The following SLC24A2 variants were observed in gnomAD, a reference collection of about 807,000 sequenced individuals.
SLC24A2 encodes the protein sodium/potassium/calcium exchanger 2.
In SLC24A2, 36 loss-of-function variants were observed where a neutral mutation model predicts 62.0. That is an observed-to-expected ratio of 0.58 (90% CI 0.44 to 0.77). SLC24A2 has a LOEUF of 0.77. Ranked by LOEUF, SLC24A2 falls within the 30% of genes least tolerant of loss-of-function variation. The pLI is 0.00. For synonymous variants in SLC24A2, 358 were observed against 294.0 expected (o/e 1.22, Z -2.23); for missense variants, 846 against 817.9 (o/e 1.03, Z -0.42).
At chr9:20,105,611 TGAAATGAAGGCA>T in the SLC24A2 span, among the ~76,000 whole-genome samples, 2 of 151,808 alleles carry the variant, frequency 1.3e-5, no homozygotes, top group Admixed American at 1.3e-4. Context: ...GGGTACATAA[TGAAATGAAGGCA>T]GAAATAAAGA....
chr9:19,863,832 T>C, the SLC24A2 span, among the ~76,000 whole-genome samples: 2 of 150,784 alleles, frequency 1.3e-5, no homozygotes, highest in African/African-American at 2.4e-5. Context: ...ATAAAAGAAA[T>C]AATAAAGCTC....
At chr9:19,932,786 A>G in the SLC24A2 span, among the ~76,000 whole-genome samples, 1 of 152,174 alleles carries the variant, frequency 6.6e-6, no homozygotes, top group South Asian at 2.1e-4. Flanking sequence ...CTTTCCTATC[A>G]GTTATAAGGC....
chr9:20,025,765 G>A, the SLC24A2 span, among the ~76,000 whole-genome samples: 1 of 152,166 alleles, frequency 6.6e-6, no homozygotes, highest in African/African-American at 2.4e-5. Flanking sequence ...GTATGGAAAA[G>A]TGGAAATGAC....
At chr9:20,118,383 C>G in the SLC24A2 span, among the ~76,000 whole-genome samples, 91 of 151,992 alleles carry the variant, frequency 6.0e-4, 1 homozygote, top group Non-Finnish European at 1.2e-3. Flanking sequence ...GAAATTCTAC[C>G]AAGAAACTAG....
the SLC24A2 span, among the ~76,000 whole-genome samples, chr9:19,812,005 C>G: frequency 6.6e-6 from 1 of 151,936 alleles, no homozygotes; most frequent in Non-Finnish European, 1.5e-5. Flanking sequence ...CTTTATTTTG[C>G]TTTCATTTTT....
the SLC24A2 span, among the ~76,000 whole-genome samples, chr9:19,865,762 G>A: frequency 1.3e-5 from 2 of 152,048 alleles, no homozygotes; most frequent in Non-Finnish European, 2.9e-5. Context: ...GAAACATTGG[G>A]GAAATTCTCT....
At chr9:20,034,727 C>T in the SLC24A2 span, among the ~76,000 whole-genome samples, 2 of 152,306 alleles carry the variant, frequency 1.3e-5, no homozygotes, top group African/African-American at 4.8e-5. Flanking sequence ...CTTGACCTCC[C>T]AAAGTGCTGG....
chr9:19,584,269 A>G (rs1836293256), intron 5 of SLC24A2, among the ~76,000 whole-genome samples: 1 of 60,998 alleles, frequency 1.6e-5, no homozygotes, highest in African/African-American at 5.8e-5. Context: ...CACATAGCAA[A>G]TAGTAAAAAA....
chr9:19,719,980 C>G (rs1820974501), intron 2 of SLC24A2, among the ~76,000 whole-genome samples: 1 of 152,148 alleles, frequency 6.6e-6, no homozygotes, highest in Non-Finnish European at 1.5e-5. Context: ...TTCCAAATCC[C>G]ACTGAAACTC....
intron 4 of SLC24A2, among the ~76,000 whole-genome samples, chr9:19,605,708 T>C (rs1836965589): frequency 6.6e-6 from 1 of 152,228 alleles, no homozygotes; most frequent in Non-Finnish European, 1.5e-5. Flanking sequence ...AGCAACTTAT[T>C]GGGCAAATGC....
At chr9:20,028,346 ACT>A in the SLC24A2 span, among the ~76,000 whole-genome samples, 1 of 152,088 alleles carries the variant, frequency 6.6e-6, no homozygotes, top group Non-Finnish European at 1.5e-5. Context: ...TTCAGCCAGC[ACT>A]CTGCTGCATA....
At chr9:20,096,546 T>C in the SLC24A2 span, among the ~76,000 whole-genome samples, 6 of 152,152 alleles carry the variant, frequency 3.9e-5, no homozygotes, top group East Asian at 1.9e-4. Context: ...TTATTTCTAT[T>C]GCCTTTTTAT....
intron 2 of SLC24A2, among the ~76,000 whole-genome samples, chr9:19,733,300 C>T (rs1307988809): frequency 1.3e-5 from 2 of 152,304 alleles, no homozygotes; most frequent in African/African-American, 4.8e-5. Context: ...ATTGTCAGAA[C>T]ATTACTGACC....
the SLC24A2 span, among the ~76,000 whole-genome samples, chr9:20,155,011 C>A: frequency 6.6e-6 from 1 of 151,592 alleles, no homozygotes; most frequent in Non-Finnish European, 1.5e-5. Context: ...AATTCCTTCA[C>A]TGATATTCCC....
chr9:19,534,097 C>A (rs1214806285), intron 8 of SLC24A2, among the ~76,000 whole-genome samples: 2 of 152,138 alleles, frequency 1.3e-5, no homozygotes, highest in South Asian at 2.1e-4. Flanking sequence ...CATTTATTCA[C>A]AGAGGGGAAA....
intron 9 of SLC24A2, among the ~76,000 whole-genome samples, chr9:19,526,964 C>T (rs1171470053): frequency 6.6e-6 from 1 of 152,056 alleles, no homozygotes; most frequent in Admixed American, 6.6e-5. Context: ...AGAAGTTTGA[C>T]AGCTTTACAA....
the SLC24A2 span, among the ~76,000 whole-genome samples, chr9:19,993,186 T>C: frequency 6.6e-6 from 1 of 152,206 alleles, no homozygotes; most frequent in Admixed American, 6.5e-5. Context: ...GCAGAATGAT[T>C]CTTTCCATCC....
At chr9:20,278,166 A>G in the SLC24A2 span, among the ~76,000 whole-genome samples, 1 of 152,198 alleles carries the variant, frequency 6.6e-6, no homozygotes, top group East Asian at 1.9e-4. Context: ...GCACACCAAC[A>G]TGGCACATGT....
chr9:20,259,530 C>A, the SLC24A2 span, among the ~76,000 whole-genome samples: 16,997 of 152,142 alleles, frequency 0.11, 1,077 homozygotes, highest in Middle Eastern at 0.16. Flanking sequence ...TTGAAGAAAA[C>A]CCCTTGGAAG....
Sources: allele counts gnomAD v4.1 joint callset (sites outside exome capture counted in the v4.1 genomes callset), GRCh38; gene constraint gnomAD v4.1.1; transcripts MANE v1.5; gene names NCBI Gene and HGNC (gene_info 2026-07-23, HGNC 2026-07-21).